Variants in CDC42SE2 observed in about 807,000 individuals in gnomAD.
CDC42SE2 encodes CDC42 small effector 2.
In CDC42SE2, 3 loss-of-function variants were observed where a neutral mutation model predicts 11.5. That is an observed-to-expected ratio of 0.26 (90% CI 0.12 to 0.67). The LOEUF (loss-of-function observed/expected upper bound fraction) is 0.67, where lower values mean the gene tolerates loss of function less well. Among genes scored for constraint, CDC42SE2 ranks in the 30% least tolerant of loss-of-function variants. CDC42SE2 has a pLI of 0.80. For synonymous variants in CDC42SE2, 33 were observed against 34.8 expected (o/e 0.95, Z 0.18); for missense variants, 82 against 106.8 (o/e 0.77, Z 1.02).
At chr5:131,359,104 T>C (rs1749636249) in intron 2 of CDC42SE2, 105 bp from the exon 3 acceptor site, 2 of 162,826 alleles carry the variant, frequency 1.2e-5, no homozygotes, top group Admixed American at 6.3e-5. Flanking sequence ...AATCTTGATT[T>C]TTTTTCAGTG....
At chr5:131,262,233 T>C (rs1756745784), upstream of CDC42SE2, among the ~76,000 whole-genome samples, 1 of 151,970 alleles carries the variant, frequency 6.6e-6, no homozygotes, top group African/African-American at 2.4e-5. Flanking sequence ...CTCTACTCTA[T>C]CATGTTATTC....
chr5:131,367,346 T>C (rs1303008541), intron 3 of CDC42SE2, among the ~76,000 whole-genome samples: 1 of 152,150 alleles, frequency 6.6e-6, no homozygotes, highest in Non-Finnish European at 1.5e-5. Context: ...TTGAGTATAC[T>C]TGTTTCTGTA....
In CDC42SE2 at chr5:131,258,993, T is replaced by C. The variant is rs115185308; in HGVS notation, n.242+3764T>C. Among the ~76,000 whole-genome samples, 761 of 152,336 alleles carry C rather than the reference T, an allele frequency of 5.0e-3. 11 individuals are homozygous for C. Among genetic ancestry groups the C allele is most frequent in the African/African-American group, 0.018 (731 of 41,562 alleles). ...CACAGGTAAGAGTGTAAAGCAAAGT[T>C]TGACTTAGCTTGCCTTCCTATCTTT... On this transcript the variant is annotated intron_variant and non_coding_transcript_variant, in intron 2 of 3. Coordinates refer to the CDC42SE2 transcript ENST00000502840.
intron 1 of CDC42SE2, among the ~76,000 whole-genome samples, chr5:131,270,368 C>G (rs1266038953): frequency 2.6e-5 from 4 of 152,106 alleles, no homozygotes. Flanking sequence ...GAGTGAGACT[C>G]CGTCTCAAAG....
At chr5:131,321,719 C>T (rs1050337248) in intron 2 of CDC42SE2, among the ~76,000 whole-genome samples, 1 of 151,964 alleles carries the variant, frequency 6.6e-6, no homozygotes, top group Non-Finnish European at 1.5e-5. Context: ...TTCTATCTTC[C>T]CCCCCGCCAA....
chr5:131,218,978 T>C, the CDC42SE2 span, among the ~76,000 whole-genome samples: 1 of 152,208 alleles, frequency 6.6e-6, no homozygotes, highest in Non-Finnish European at 1.5e-5. Flanking sequence ...GCCAAGATAG[T>C]GGATAAATTT....
At chr5:131,227,600 A>G in the CDC42SE2 span, among the ~76,000 whole-genome samples, 1 of 152,386 alleles carries the variant, frequency 6.6e-6, no homozygotes, top group Admixed American at 6.5e-5. Context: ...TATTTTTGAC[A>G]CATTTAATCA....
At chr5:131,281,492 A>C (rs1279560116) in intron 1 of CDC42SE2, among the ~76,000 whole-genome samples, 1 of 152,216 alleles carries the variant, frequency 6.6e-6, no homozygotes, top group Non-Finnish European at 1.5e-5. Context: ...ATCTTGAAAC[A>C]AATTCTAGAA....
the CDC42SE2 span, among the ~76,000 whole-genome samples, chr5:131,224,433 T>C: frequency 6.6e-5 from 10 of 152,122 alleles, no homozygotes; most frequent in African/African-American, 2.4e-4. Flanking sequence ...TAGCTATGAA[T>C]CTTCTCTCTC....
intron 1 of CDC42SE2, among the ~76,000 whole-genome samples, chr5:131,284,180 A>G (rs1181260874): frequency 1.3e-5 from 2 of 152,218 alleles, no homozygotes; most frequent in East Asian, 3.8e-4. Flanking sequence ...TCAGTACTTC[A>G]TTCCTTTTAA....
At chr5:131,357,041 A>T (rs1392138673) in intron 2 of CDC42SE2, among the ~76,000 whole-genome samples, 1 of 152,204 alleles carries the variant, frequency 6.6e-6, no homozygotes, top group Non-Finnish European at 1.5e-5. Context: ...CTTTTCTCTT[A>T]TATTCCTGCT....
intron 2 of CDC42SE2, among the ~76,000 whole-genome samples, chr5:131,346,911 A>C (rs577876414): frequency 4.6e-5 from 7 of 152,316 alleles, no homozygotes; most frequent in East Asian, 1.9e-4. Flanking sequence ...CTAGTGGGTA[A>C]ATAATGAAAT....
At position 131,392,957 on chromosome 5, in the gene CDC42SE2, C is replaced by T. The variant is rs530178830; in HGVS notation, c.*1866C>T. 6.6e-5 allele frequency: 10 copies of T among 152,402 alleles called. No homozygotes were observed. Among genetic ancestry groups the T allele is most frequent in the Admixed American group, 2.0e-4 (3 of 15,290 alleles). 9.4% of individuals were successfully genotyped at this position (152,402 alleles called of 1,614,324 possible). A position where few individuals can be genotyped will look rare whatever the true frequency, so the allele number is the denominator to read the frequency against. ...TTATTGCCAGTGAAAACAACCTGTA[C>T]GAAGCCTTTGCTCAGGTTCTAAAAT... On this transcript the variant is annotated 3_prime_UTR_variant, in exon 5 of 5. Coordinates refer to ENST00000505065, the MANE Select transcript of CDC42SE2 (RefSeq NM_001375635.1).
At chr5:131,334,026 A>T (rs1411190340) in intron 2 of CDC42SE2, among the ~76,000 whole-genome samples, 3 of 152,170 alleles carry the variant, frequency 2.0e-5, no homozygotes, top group Middle Eastern at 3.2e-3. Context: ...GAGAGAGGGC[A>T]TCCCTGTCTT....
At chr5:131,280,062 G>A (rs889159357) in intron 1 of CDC42SE2, among the ~76,000 whole-genome samples, 1 of 152,168 alleles carries the variant, frequency 6.6e-6, no homozygotes, top group African/African-American at 2.4e-5. Flanking sequence ...GCAAGACCCT[G>A]TCTCAAAGAA....
intron 3 of CDC42SE2, among the ~76,000 whole-genome samples, chr5:131,378,470 T>A: frequency 6.6e-6 from 1 of 152,160 alleles, no homozygotes; most frequent in South Asian, 2.1e-4. Flanking sequence ...AATTACACTG[T>A]CAATATTTCA....
At chr5:131,225,082 G>A in the CDC42SE2 span, among the ~76,000 whole-genome samples, 1 of 152,144 alleles carries the variant, frequency 6.6e-6, no homozygotes, top group Admixed American at 6.5e-5. Flanking sequence ...CCTGAGCCAA[G>A]CTCAGAGGAT....
chr5:131,248,377 A>T (rs1456283694), intron 1 of CDC42SE2, among the ~76,000 whole-genome samples: 1 of 151,590 alleles, frequency 6.6e-6, no homozygotes, highest in Non-Finnish European at 1.5e-5. Context: ...TGACCTTGTG[A>T]TCCGCCCATC....
chr5:131,342,779 C>T (rs925057814), intron 2 of CDC42SE2, among the ~76,000 whole-genome samples: 3 of 152,004 alleles, frequency 2.0e-5, no homozygotes, highest in African/African-American at 7.3e-5. Context: ...GTGGCACAAT[C>T]TTGGCTCACT....
Sources: allele counts gnomAD v4.1 joint callset (sites outside exome capture counted in the v4.1 genomes callset), GRCh38; gene constraint gnomAD v4.1.1; transcripts MANE v1.5; gene names NCBI Gene and HGNC (gene_info 2026-07-23, HGNC 2026-07-21).